Variants in NRXN1 observed in about 807,000 individuals in gnomAD.
The protein encoded by NRXN1 is neurexin-1.
Under a neutral mutation model 150.9 loss-of-function variants are expected in NRXN1, and 39 were observed. The observed-to-expected ratio is 0.26, with a 90% CI of 0.20 to 0.34. NRXN1 has a LOEUF of 0.34. Among genes scored for constraint, NRXN1 ranks in the 10% least tolerant of loss-of-function variants. NRXN1 has a pLI of 1.00. For synonymous variants in NRXN1, 924 were observed against 757.0 expected, an observed-to-expected ratio of 1.22 and a Z score of -3.62; for missense variants, 1,815 against 1,949.9, an observed-to-expected ratio of 0.93 and a Z score of 1.30.
chr2:50,877,217 A>G (rs1678734787), intron 5 of NRXN1, among the ~76,000 whole-genome samples: 1 of 151,762 alleles, frequency 6.6e-6, no homozygotes, highest in Non-Finnish European at 1.5e-5. Context: ...ACATATATAT[A>G]CACACATACA....
chr2:50,219,943 T>TTATATATAATATATATATTA, intron 18 of NRXN1, among the ~76,000 whole-genome samples: 1 of 75,470 alleles, frequency 1.3e-5, no homozygotes, highest in East Asian at 2.9e-4. Flanking sequence ...ATATTATATA[T>TTATATATAATATATATATTA]TATATATATA....
At position 49,921,657 on chromosome 2, in the gene NRXN1, A is replaced by C. The variant is rs1445568953; in HGVS notation, c.*287T>G. 2 of 406,942 alleles carry C rather than the reference A, an allele frequency of 4.9e-6. No individual in the cohort carries two copies. The allele number at this position is 406,942 out of a possible 1,614,324, so 25.2% of individuals were successfully genotyped here. A position where few individuals can be genotyped will look rare whatever the true frequency, so the allele number is the denominator to read the frequency against. ...TGCTTTATGAATGCGTGCGGTCATC[A>C]CTGTCTTTTAGAAATGTTCCAGCAA... On this transcript the variant is annotated 3_prime_UTR_variant, in exon 23 of 23. Transcript: ENST00000401669.
intron 17 of NRXN1, among the ~76,000 whole-genome samples, chr2:50,250,558 T>C (rs1019138128): frequency 1.3e-5 from 2 of 152,118 alleles, no homozygotes; most frequent in Non-Finnish European, 2.9e-5. Flanking sequence ...TTAGGACTAT[T>C]CAAGGTCAGT....
At chr2:50,066,720 TCA>T (rs1053701835) in intron 19 of NRXN1, among the ~76,000 whole-genome samples, 1 of 152,120 alleles carries the variant, frequency 6.6e-6, no homozygotes, top group Non-Finnish European at 1.5e-5. Context: ...GAAAAAACTC[TCA>T]TAAAACTACT....
At chr2:50,301,181 C>T (rs1437975112) in intron 17 of NRXN1, among the ~76,000 whole-genome samples, 2 of 152,196 alleles carry the variant, frequency 1.3e-5, no homozygotes, top group African/African-American at 2.4e-5. Flanking sequence ...ATTTAAATTT[C>T]AGCCTCTTTT....
At chr2:49,970,344 C>T (rs1017170826) in intron 21 of NRXN1, 6 of 151,888 alleles carry the variant, frequency 4.0e-5, no homozygotes, top group Non-Finnish European at 7.4e-5. Flanking sequence ...CAAATGGAAA[C>T]GGGTAGTGAT....
At chr2:50,438,410 T>C (rs2085638299) in intron 17 of NRXN1, among the ~76,000 whole-genome samples, 2 of 151,718 alleles carry the variant, frequency 1.3e-5, no homozygotes, top group East Asian at 1.9e-4. Flanking sequence ...GAATAGGCCC[T>C]GGGAAAACCT....
intron 5 of NRXN1, among the ~76,000 whole-genome samples, chr2:50,684,716 A>G (rs1346001396): frequency 6.6e-6 from 1 of 152,154 alleles, no homozygotes; most frequent in Non-Finnish European, 1.5e-5. Context: ...AGATTATGAC[A>G]AACATAAAGA....
chr2:50,488,063 T>C (rs1347346026), intron 15 of NRXN1, among the ~76,000 whole-genome samples: 1 of 152,210 alleles, frequency 6.6e-6, no homozygotes, highest in Non-Finnish European at 1.5e-5. Flanking sequence ...GCACCTAGTA[T>C]TCTATCACCT....
intron 18 of NRXN1, chr2:50,207,491 C>A: frequency 6.5e-6 from 1 of 152,986 alleles, no homozygotes; most frequent in East Asian, 1.9e-4. Context: ...TATATATCTT[C>A]CCCTTAATCT....
chr2:50,921,063 A>T (rs1394466393), intron 5 of NRXN1, among the ~76,000 whole-genome samples: 2 of 151,814 alleles, frequency 1.3e-5, no homozygotes, highest in Admixed American at 1.3e-4. Context: ...AATAATAATT[A>T]AAAAACAGAA....
chr2:50,681,570 A>C (rs72837023), intron 5 of NRXN1, among the ~76,000 whole-genome samples: 8,788 of 152,222 alleles, frequency 0.058, 506 homozygotes, highest in East Asian at 0.23. Context: ...AGTAAATACT[A>C]ATGAGAATGC....
chr2:50,229,257 T>C (rs770218688), intron 18 of NRXN1, among the ~76,000 whole-genome samples: 7 of 152,044 alleles, frequency 4.6e-5, no homozygotes, highest in Admixed American at 1.3e-4. Context: ...GGCTGACATA[T>C]TTACAATGCT....
At chr2:50,974,916 T>TATTTC (rs983547901) in intron 2 of NRXN1, among the ~76,000 whole-genome samples, 3 of 152,042 alleles carry the variant, frequency 2.0e-5, no homozygotes, top group Admixed American at 6.6e-5. Flanking sequence ...CCTTCCATTG[T>TATTTC]ATTTCATTTC....
chr2:50,983,858 C>T (rs1697237703), intron 2 of NRXN1, among the ~76,000 whole-genome samples: 1 of 152,060 alleles, frequency 6.6e-6, no homozygotes, highest in East Asian at 1.9e-4. Context: ...TATAACTCTT[C>T]TACATAAAAT....
chr2:50,035,347 C>T (rs1689862371), intron 21 of NRXN1, among the ~76,000 whole-genome samples: 2 of 152,000 alleles, frequency 1.3e-5, no homozygotes, highest in Non-Finnish European at 2.9e-5. Flanking sequence ...CATTTCTCTA[C>T]CCACTTACTG....
chr2:50,246,186 G>T (rs2066484351), intron 17 of NRXN1, among the ~76,000 whole-genome samples: 1 of 151,918 alleles, frequency 6.6e-6, no homozygotes. Context: ...TCTCTAAGCA[G>T]CCATCCAAGC....
chr2:50,553,634 A>G (rs1321386691), intron 8 of NRXN1, among the ~76,000 whole-genome samples: 1 of 152,224 alleles, frequency 6.6e-6, no homozygotes, highest in East Asian at 1.9e-4. Flanking sequence ...CTGCATCAAT[A>G]CCTTTGAATA....
intron 2 of NRXN1, among the ~76,000 whole-genome samples, chr2:50,959,837 A>T (rs1692859883): frequency 6.6e-6 from 1 of 152,034 alleles, no homozygotes; most frequent in Admixed American, 6.6e-5. Flanking sequence ...ACTAGAAATA[A>T]CATTTCTTGA....
Sources: allele counts gnomAD v4.1 joint callset (sites outside exome capture counted in the v4.1 genomes callset), GRCh38; gene constraint gnomAD v4.1.1; transcripts MANE v1.5; gene names NCBI Gene and HGNC (gene_info 2026-07-23, HGNC 2026-07-21).